The following PLXNA4 variants were observed in gnomAD, a reference collection of about 807,000 sequenced individuals.
The protein encoded by PLXNA4 is plexin-A4.
A neutral mutation model predicts 191.8 loss-of-function variants in PLXNA4; 44 were observed. That is an observed-to-expected ratio of 0.23 (90% CI 0.18 to 0.29). The LOEUF (loss-of-function observed/expected upper bound fraction) is 0.29, where lower values mean the gene tolerates loss of function less well. Among genes scored for constraint, PLXNA4 ranks in the 10% least tolerant of loss-of-function variants. The pLI is 1.00. For synonymous variants in PLXNA4, 1,082 were observed against 1,009.5 expected (o/e 1.07, Z -1.36); for missense variants, 1,800 against 2,488.8 (o/e 0.72, Z 5.89).
At position 132,145,052 on chromosome 7, in the gene PLXNA4, C is replaced by A. The variant is rs553252195; in HGVS notation, c.5225+67G>T. 2.6e-5 allele frequency: 42 copies of A among 1,609,982 alleles called. No individual in the cohort carries two copies. The Admixed American group carries it at 4.5e-4, about 17-fold the overall frequency. On this transcript the variant is annotated intron_variant, in intron 29 of 31. Transcript: ENST00000321063. ...CTTCTCCTGGAGGCCCAGAGTCCCA[C>A]CACCATTAACTTGAGGCTGGGTGGG... is the stretch of plus-strand genomic sequence containing the variant.
Position 132,194,000 on chromosome 7 carries a change from G to C in PLXNA4, c.2856+62C>G, listed in dbSNP as rs147967291. 486 of 1,564,344 alleles carry C rather than the reference G, an allele frequency of 3.1e-4. No individual in the cohort carries two copies. In the African/African-American group the frequency reaches 5.7e-3, roughly 18 times the overall value. ...GCTCACAGAGCTCTAGAGGGGCCCA[G>C]CAATCATGGTAATGAGCTCTGTGGC... On this transcript the variant is annotated intron_variant, in intron 14 of 31. Transcript: ENST00000321063.
chr7:132,429,203 C>T (rs1795171443), intron 3 of PLXNA4, among the ~76,000 whole-genome samples: 1 of 152,216 alleles, frequency 6.6e-6, no homozygotes, highest in Admixed American at 6.5e-5. Flanking sequence ...GCCAACAGAA[C>T]TCAGGACTCC....
intron 4 of PLXNA4, among the ~76,000 whole-genome samples, chr7:132,256,914 T>C (rs532515737): frequency 6.6e-6 from 1 of 152,302 alleles, no homozygotes; most frequent in East Asian, 1.9e-4. Flanking sequence ...GAGATAACAC[T>C]GGACAGCTGT....
At chr7:132,290,801 G>A (rs1294501892) in intron 4 of PLXNA4, among the ~76,000 whole-genome samples, 13 of 152,082 alleles carry the variant, frequency 8.5e-5, no homozygotes, top group Non-Finnish European at 1.0e-4. Context: ...GTGCACACTC[G>A]TACACTCCAA....
In PLXNA4 at chr7:132,319,416, T is replaced by A. The variant is rs751817546; in HGVS notation, c.1372-21194A>T. On this transcript the variant is annotated intron_variant, in intron 3 of 31. Coordinates refer to ENST00000321063, the MANE Select transcript of PLXNA4 (RefSeq NM_020911.2). ...GCTGTGATGAGGGCTTCATCCTAGA[T>A]CTGTTCTCAGGGTTCCTTGTAAATT... is the stretch of plus-strand genomic sequence containing the variant. Among the ~76,000 whole-genome samples the A allele has an allele frequency of 1.4e-4, 21 of 152,110 alleles. 1 individual carries two copies. The highest frequency in any genetic ancestry group is 2.6e-4 in the Non-Finnish European group (18 of 68,030).
intron 2 of PLXNA4, among the ~76,000 whole-genome samples, chr7:132,502,012 A>C (rs1422965259): frequency 6.6e-6 from 1 of 152,224 alleles, no homozygotes; most frequent in Non-Finnish European, 1.5e-5. Flanking sequence ...CTAATGCCAT[A>C]AACAACAGGA....
chr7:132,630,743 C>G (rs769403117), intron 2 of PLXNA4, among the ~76,000 whole-genome samples: 27 of 152,118 alleles, frequency 1.8e-4, no homozygotes, highest in Non-Finnish European at 3.2e-4. Context: ...AATCTCCTGA[C>G]CTTGTGATCC....
intron 1 of PLXNA4, among the ~76,000 whole-genome samples, chr7:132,573,014 C>T (rs1585372653): frequency 2.0e-5 from 3 of 149,280 alleles, no homozygotes; most frequent in East Asian, 2.0e-4. Flanking sequence ...CTTGGAGTGC[C>T]GCAAATTTGA....
intron 21 of PLXNA4, among the ~76,000 whole-genome samples, chr7:132,173,137 TTCTTGTCCC>T (rs1430909102): frequency 6.6e-6 from 1 of 152,184 alleles, no homozygotes; most frequent in Non-Finnish European, 1.5e-5. Flanking sequence ...TGGTCTTATC[TTCTTGTCCC>T]TCTTGTGTCT....
chr7:132,443,423 G>A (rs147005644), intron 3 of PLXNA4, among the ~76,000 whole-genome samples: 84 of 152,232 alleles, frequency 5.5e-4, no homozygotes, highest in African/African-American at 1.6e-3. Context: ...CAAGTCTGCC[G>A]ATACTCTGTA....
At chr7:132,139,346 G>C (rs1795201087) in intron 30 of PLXNA4, among the ~76,000 whole-genome samples, 1 of 152,180 alleles carries the variant, frequency 6.6e-6, no homozygotes, top group Non-Finnish European at 1.5e-5. Flanking sequence ...TATAAAGACA[G>C]AGGCTGTCTC....
intron 2 of PLXNA4, among the ~76,000 whole-genome samples, chr7:132,493,924 T>C (rs1797905433): frequency 6.6e-6 from 1 of 152,230 alleles, no homozygotes; most frequent in African/African-American, 2.4e-5. Flanking sequence ...GAAAGTCACT[T>C]AACCTCCCTG....
chr7:132,630,207 C>T (rs1296442014), intron 2 of PLXNA4, among the ~76,000 whole-genome samples: 1 of 152,198 alleles, frequency 6.6e-6, no homozygotes, highest in East Asian at 1.9e-4. Flanking sequence ...GCCCTTATGA[C>T]CTCATTTAAC....
intron 3 of PLXNA4, among the ~76,000 whole-genome samples, chr7:132,443,348 C>A (rs527646732): frequency 2.0e-5 from 3 of 152,190 alleles, no homozygotes; most frequent in Non-Finnish European, 2.9e-5. Flanking sequence ...AAATCCCAAG[C>A]CTTCAGAGAG....
At chr7:132,218,247 T>A (rs1469438657) in intron 9 of PLXNA4, among the ~76,000 whole-genome samples, 1 of 152,110 alleles carries the variant, frequency 6.6e-6, no homozygotes, top group African/African-American at 2.4e-5. Context: ...TGTTGGGGTA[T>A]TAGGGGATGT....
At chr7:132,259,487 A>G (rs1799557701) in intron 4 of PLXNA4, among the ~76,000 whole-genome samples, 1 of 149,538 alleles carries the variant, frequency 6.7e-6, no homozygotes. Context: ...AAAAGGAAAA[A>G]AGAAAAGCAA....
intron 3 of PLXNA4, among the ~76,000 whole-genome samples, chr7:132,417,267 A>T (rs1733552548): frequency 6.6e-6 from 1 of 152,096 alleles, no homozygotes; most frequent in Admixed American, 6.5e-5. Context: ...CCTTGTCTGG[A>T]CATTCTTGGG....
At chr7:132,565,970 G>C (rs1004194390) in intron 1 of PLXNA4, among the ~76,000 whole-genome samples, 4 of 152,202 alleles carry the variant, frequency 2.6e-5, no homozygotes, top group African/African-American at 9.7e-5. Flanking sequence ...AAAACTCACT[G>C]CAGTTGGGTT....
intron 8 of PLXNA4, among the ~76,000 whole-genome samples, chr7:132,225,545 T>C (rs908434467): frequency 3.3e-5 from 5 of 152,054 alleles, no homozygotes; most frequent in Non-Finnish European, 5.9e-5. Context: ...CACCTGCCAC[T>C]GGAAGTTGGA....
Sources: allele counts gnomAD v4.1 joint callset (sites outside exome capture counted in the v4.1 genomes callset), GRCh38; gene constraint gnomAD v4.1.1; transcripts MANE v1.5; gene names NCBI Gene and HGNC (gene_info 2026-07-23, HGNC 2026-07-21).